The following FHIT variants were observed in gnomAD, a reference collection of about 807,000 sequenced individuals.
FHIT encodes the protein fragile histidine triad diadenosine triphosphatase.
A neutral mutation model predicts 17.9 loss-of-function variants in FHIT; 19 were observed. The ratio of observed to expected loss-of-function variants is 1.06; its 90% confidence interval spans 0.74 to 1.56. The LOEUF (loss-of-function observed/expected upper bound fraction) is 1.56, where lower values mean the gene tolerates loss of function less well. Ranked by LOEUF, FHIT falls within the 40% of genes most tolerant of loss-of-function variation. FHIT has a pLI of 0.00. For missense variants in FHIT, 248 were observed against 189.2 expected, an observed-to-expected ratio of 1.31 and a Z score of -1.82; for synonymous variants, 81 against 69.7, an observed-to-expected ratio of 1.16 and a Z score of -0.81.
chr3:60,152,752 C>G (rs1700520690), intron 5 of FHIT, among the ~76,000 whole-genome samples: 1 of 152,204 alleles, frequency 6.6e-6, no homozygotes, highest in African/African-American at 2.4e-5. Flanking sequence ...CGTACCCCAC[C>G]AGCAGGGTGT....
Position 60,368,194 on chromosome 3 carries a change from T to TAA in FHIT, c.103+168665_103+168666insTT, listed in dbSNP as rs111332497. Among the ~76,000 whole-genome samples, 91 of 122,390 alleles carry TAA rather than the reference T, an allele frequency of 7.4e-4. 1 individual carries two copies. The highest frequency in any genetic ancestry group is 2.4e-3 in the East Asian group (9 of 3,794). The allele number at this position is 122,390 out of a possible 152,430, so 80.3% of individuals were successfully genotyped here. On this transcript the variant is annotated intron_variant, in intron 5 of 9. Coordinates refer to ENST00000492590, the MANE Select transcript of FHIT (RefSeq NM_002012.4). ...CTGTAAAATCATAAAACATATCTTT[T>TAA]TAAAAAAAAAAAAAAAAAGAAACTG...
At chr3:60,184,049 G>A (rs575751197) in intron 5 of FHIT, among the ~76,000 whole-genome samples, 4 of 150,720 alleles carry the variant, frequency 2.7e-5, no homozygotes, top group African/African-American at 4.9e-5. Flanking sequence ...GTACAGTGAC[G>A]TGATCAGAGC....
intron 4 of FHIT, among the ~76,000 whole-genome samples, chr3:60,615,129 C>G (rs1309946582): frequency 1.3e-5 from 2 of 152,072 alleles, no homozygotes; most frequent in African/African-American, 4.8e-5. Context: ...TATCAAATGA[C>G]CGTTCTTGAA....
rs75662750 is a variant in FHIT, at chr3:60,205,693, G to C, written c.104-191541C>G. Among the ~76,000 whole-genome samples the C allele has an allele frequency of 2.8e-4, 43 of 152,232 alleles. 1 individual carries two copies. In the East Asian group the frequency reaches 8.1e-3, roughly 29 times the overall value. On this transcript the variant is annotated intron_variant, in intron 5 of 9. Coordinates refer to ENST00000492590, the MANE Select transcript of FHIT (RefSeq NM_002012.4). ...AAACATGGGAACAAAATGACGCAAA[G>C]TTCAGAAATACACATACATACATTT...
chr3:60,904,996 C>G (rs1706329920), intron 3 of FHIT, among the ~76,000 whole-genome samples: 2 of 141,544 alleles, frequency 1.4e-5, no homozygotes, highest in South Asian at 4.6e-4. Flanking sequence ...AATAGAAAAA[C>G]AAGTAGTTCA....
chr3:60,226,467 CGTCT>C (rs1559742870), intron 5 of FHIT, among the ~76,000 whole-genome samples: 1 of 63,628 alleles, frequency 1.6e-5, no homozygotes, highest in Non-Finnish European at 3.1e-5. Context: ...AGTGAAACTC[CGTCT>C]CAAAAAAAAA....
At chr3:60,768,293 G>T (rs1699919248) in intron 4 of FHIT, among the ~76,000 whole-genome samples, 1 of 152,180 alleles carries the variant, frequency 6.6e-6, no homozygotes, top group Non-Finnish European at 1.5e-5. Context: ...GAAAGGGAAG[G>T]GAACAAATAC....
intron 8 of FHIT, among the ~76,000 whole-genome samples, chr3:59,865,542 C>T (rs1455270060): frequency 6.6e-6 from 1 of 152,226 alleles, no homozygotes; most frequent in African/African-American, 2.4e-5. Context: ...GAGCCAGGGC[C>T]TGGGATATAA....
chr3:61,100,513 A>G (rs913786410), intron 2 of FHIT, among the ~76,000 whole-genome samples: 1 of 152,190 alleles, frequency 6.6e-6, no homozygotes, highest in Non-Finnish European at 1.5e-5. Context: ...TAGTGCTGCA[A>G]TACACATACA....
intron 5 of FHIT, among the ~76,000 whole-genome samples, chr3:60,332,593 G>A (rs150808988): frequency 2.6e-5 from 4 of 152,270 alleles, no homozygotes; most frequent in East Asian, 3.9e-4. Context: ...ATATACACAG[G>A]TGGAACCTGT....
chr3:61,050,006 T>C (rs1296178985), intron 2 of FHIT, among the ~76,000 whole-genome samples: 2 of 152,126 alleles, frequency 1.3e-5, no homozygotes, highest in Non-Finnish European at 2.9e-5. Context: ...ACACTCCCAA[T>C]CATATGTCCA....
At position 60,048,318 on chromosome 3, in the gene FHIT, G is replaced by T. The variant is rs112307045; in HGVS notation, c.104-34166C>A. On this transcript the variant is annotated intron_variant, in intron 5 of 9. Transcript: ENST00000492590. ...CAGCCTCCCGAGTAGCTGGGACTAC[G>T]GACATGTGCCACCACGCTTCCCTAA... is the stretch of plus-strand genomic sequence containing the variant. Among the ~76,000 whole-genome samples the T allele has an allele frequency of 8.4e-3, 1,285 of 152,104 alleles. 9 individuals carry two copies. The highest frequency in any genetic ancestry group is 0.038 in the South Asian group (181 of 4,804).
At chr3:60,779,681 C>T (rs187924870) in intron 4 of FHIT, among the ~76,000 whole-genome samples, 23 of 152,176 alleles carry the variant, frequency 1.5e-4, no homozygotes, top group Admixed American at 6.5e-4. Context: ...ATGCCCCATC[C>T]GAGATACATT....
intron 5 of FHIT, among the ~76,000 whole-genome samples, chr3:60,130,360 G>A (rs80064068): frequency 0.065 from 9,907 of 152,170 alleles, 390 homozygotes; most frequent in South Asian, 0.15. Context: ...CAGGCTAACG[G>A]CTGGCTATAA....
chr3:60,857,538 G>A (rs1345440028), intron 3 of FHIT, among the ~76,000 whole-genome samples: 3 of 151,954 alleles, frequency 2.0e-5, no homozygotes, highest in Admixed American at 6.6e-5. Flanking sequence ...GATAATACAT[G>A]GAAAGCTTTC....
At chr3:60,179,021 A>G (rs561890173) in intron 5 of FHIT, among the ~76,000 whole-genome samples, 77 of 152,304 alleles carry the variant, frequency 5.1e-4, no homozygotes, top group African/African-American at 1.8e-3. Flanking sequence ...ATTACACTAT[A>G]AGACTCTTAA....
chr3:60,082,220 T>A (rs1177038665), intron 5 of FHIT, among the ~76,000 whole-genome samples: 1 of 147,290 alleles, frequency 6.8e-6, no homozygotes, highest in Admixed American at 6.8e-5. Flanking sequence ...AGAGAACATG[T>A]AGTATTTGGT....
rs1012894192 is a variant in FHIT at position 60,266,494 on chromosome 3, T to C, written c.104-252342A>G. 3.9e-5 allele frequency among the ~76,000 whole-genome samples: 6 copies of C among 152,068 alleles called. No individual in the cohort carries two copies. The East Asian group carries it at 1.2e-3, about 29-fold the overall frequency. On this transcript the variant is annotated intron_variant, in intron 5 of 9. Transcript: ENST00000492590. ...ATGACTATGGTGATAGTTGCACAAT[T>C]CTGATAATGTTCCGAAAACCACAGA...
chr3:60,857,273 G>C (rs1326473201), intron 3 of FHIT, among the ~76,000 whole-genome samples: 1 of 152,086 alleles, frequency 6.6e-6, no homozygotes, highest in Non-Finnish European at 1.5e-5. Context: ...TTTAATGGCT[G>C]GGGTATACCT....
Sources: allele counts gnomAD v4.1 joint callset (sites outside exome capture counted in the v4.1 genomes callset), GRCh38; gene constraint gnomAD v4.1.1; transcripts MANE v1.5; gene names NCBI Gene and HGNC (gene_info 2026-07-23, HGNC 2026-07-21).